The following KIF7 variants were observed in gnomAD, a reference collection of about 807,000 sequenced individuals.
KIF7 encodes kinesin family member 7, also known as kinesin-like protein KIF7.
A neutral mutation model predicts 135.7 loss-of-function variants in KIF7; 104 were observed. That is an observed-to-expected ratio of 0.77 (90% CI 0.65 to 0.90). KIF7 has a LOEUF of 0.90. KIF7 is among the 40% of genes least tolerant of loss of function. The pLI is 0.00. For missense variants in KIF7, 2,005 were observed against 1,839.1 expected, an observed-to-expected ratio of 1.09 and a Z score of -1.65; for synonymous variants, 883 against 809.4, an observed-to-expected ratio of 1.09 and a Z score of -1.54.
chr15:89,629,495 T>G lies in KIF7; in HGVS notation c.3397A>C (p.Arg1133=), dbSNP rs1385057274. Residue 1133 remains arginine (R), a synonymous_variant, in exon 17 of 19, where the codon AGG becomes CGG. Transcript: ENST00000394412. Reference sequence around the variant, plus strand: ...GCCACCTCCAGCCAGTACACCAGCCTCTGCTGCTCCTCCAGCTGCATCTCC... The same window carrying G: ...GCCACCTCCAGCCAGTACACCAGCCGCTGCTGCTCCTCCAGCTGCATCTCC... ...ELEMQLEEQQ[R]LVYWLEVALE... is the part of the protein sequence containing the mutation. 1 of 1,611,602 alleles carries G rather than the reference T, an allele frequency of 6.2e-7. No homozygotes were observed. Among genetic ancestry groups the G allele is most frequent in the South Asian group, 1.1e-5 (1 of 91,082 alleles).
exon 2 of KIF7, chr15:89,618,159 G>T: frequency 6.2e-7 from 1 of 1,614,170 alleles, no homozygotes; most frequent in Non-Finnish European, 8.5e-7. Flanking sequence ...GAGGTCCTCT[G>T]ATCCTGGTCC....
At chr15:89,632,195 C>T (rs1314470397) in intron 14 of KIF7, among the ~76,000 whole-genome samples, 4 of 152,200 alleles carry the variant, frequency 2.6e-5, no homozygotes, top group East Asian at 1.9e-4. Context: ...CTGGCCTCTG[C>T]GGGCCTAGGA....
chr15:89,652,708 C>A lies in KIF7; in HGVS notation c.223G>T (p.Val75Phe). ...AGQEAVYQAC[V>F]QPLLEAFFEG... is the part of the protein sequence containing the mutation. ...AAGAAGGCCTCAAGGAGGGGCTGAACGCAGGCCTGGTACACGGCCTCCTGC... is the reference window on the plus strand; with the variant it reads ...AAGAAGGCCTCAAGGAGGGGCTGAAAGCAGGCCTGGTACACGGCCTCCTGC... The change falls in exon 2 of 19, where the codon GTT becomes TTT. Residue 75 changes from valine (V) to phenylalanine (F), a missense_variant. Physicochemically the swap from Val to Phe is conservative, Grantham distance 50. Coordinates refer to ENST00000394412, the MANE Select transcript of KIF7 (RefSeq NM_198525.3). 6.4e-7 allele frequency: 1 copy of A among 1,551,808 alleles called. No homozygotes were observed. Among genetic ancestry groups the A allele is most frequent in the Non-Finnish European group, 8.7e-7 (1 of 1,146,998 alleles).
At position 89,646,833 on chromosome 15, in the gene KIF7, T is replaced by C; in HGVS notation, c.1785A>G (p.Gly595=). The C allele has an allele frequency of 1.2e-6, 2 of 1,613,438 alleles. No homozygotes were observed. Among genetic ancestry groups the C allele is most frequent in the Non-Finnish European group, 1.7e-6 (2 of 1,179,850 alleles). The part of the protein sequence containing the change: ...PGDEVGSEQR[G]EQVTNGREAG... Reference sequence around the variant, plus strand: ...CCCAGCCTCACCCTCTTCTCACCTCTCCCCTCTGCTCAGAGCCAACTTCAT... The same window carrying C: ...CCCAGCCTCACCCTCTTCTCACCTCCCCCCTCTGCTCAGAGCCAACTTCAT... The change falls in exon 7 of 19, where the codon GGA becomes GGG. Residue 595 remains glycine (G), a synonymous_variant. Coordinates refer to ENST00000394412, the MANE Select transcript of KIF7 (RefSeq NM_198525.3).
At chr15:89,629,193 G>GCA in intron 17 of KIF7, 71 bp from the exon 18 acceptor site, 1 of 266,888 alleles carries the variant, frequency 3.7e-6, no homozygotes, top group Non-Finnish European at 6.2e-6. Flanking sequence ...CTGTGGGGGT[G>GCA]GGGGCTGTGG....
Position 89,652,735 on chromosome 15 carries a change from C to T in KIF7, c.196G>A (p.Gly66Arg), listed in dbSNP as rs532675934. Reference sequence around the variant, plus strand: ...CAGGCCTGGTACACGGCCTCCTGCCCCGCATCCTCGGCCAGCACCACGTGG... The same window carrying T: ...CAGGCCTGGTACACGGCCTCCTGCCTCGCATCCTCGGCCAGCACCACGTGG... The part of the protein sequence containing the change: ...GFHVVLAEDA[G>R]QEAVYQACVQ... Residue 66 changes from glycine to arginine, a missense_variant, in exon 2 of 19, where the codon GGG (glycine) becomes AGG (arginine). By Grantham distance (125) the Gly-to-Arg change is moderately radical. Transcript: ENST00000394412. 15 of 1,551,736 alleles carry T rather than the reference C, an allele frequency of 9.7e-6. No individual in the cohort carries two copies. The highest frequency in any genetic ancestry group is 1.7e-4 in the Middle Eastern group (1 of 5,990).
intron 1 of KIF7, among the ~76,000 whole-genome samples, chr15:89,620,067 A>G (rs2090968038): frequency 6.6e-6 from 1 of 152,170 alleles, no homozygotes; most frequent in South Asian, 2.1e-4. Context: ...CATTATAGGT[A>G]GCTCATTCAT....
At chr15:89,624,042 C>G, downstream of KIF7, 1 of 1,614,076 alleles carries the variant, frequency 6.2e-7, no homozygotes, top group Non-Finnish European at 8.5e-7. Context: ...TCACTCCCAT[C>G]AGAGACCCTC....
upstream of KIF7, among the ~76,000 whole-genome samples, chr15:89,658,062 C>T (rs1964224591): frequency 6.6e-6 from 1 of 152,344 alleles, no homozygotes; most frequent in South Asian, 2.1e-4. Flanking sequence ...TCAGGCCGAA[C>T]CTGGTCCATT....
At position 89,646,153 on chromosome 15, in the gene KIF7, C is replaced by G. The variant is rs189000028; in HGVS notation, c.1789-127G>C. The G allele has an allele frequency of 4.3e-3, 5,124 of 1,183,110 alleles. 23 individuals carry two copies. Among genetic ancestry groups the G allele is most frequent in the Non-Finnish European group, 5.4e-3 (4,349 of 809,886 alleles). 73.3% of individuals were successfully genotyped at this position (1,183,110 alleles called of 1,614,324 possible). On this transcript the variant is annotated intron_variant, in intron 7 of 18. Coordinates refer to ENST00000394412, the MANE Select transcript of KIF7 (RefSeq NM_198525.3). ...CTTCGTGATCCAGCTCAAATGACCC[C>G]TCTGGCAGCCTTCTGAATCTCAAGC...
At position 89,648,237 on chromosome 15, in the gene KIF7, A is replaced by C. The variant is rs1322359403; in HGVS notation, c.1443+18T>G. The C allele has an allele frequency of 4.7e-6, 7 of 1,497,018 alleles. No individual in the cohort carries two copies. Among genetic ancestry groups the C allele is most frequent in the African/African-American group, 1.4e-5 (1 of 71,278 alleles). The allele number at this position is 1,497,018 out of a possible 1,614,324, so 92.7% of individuals were successfully genotyped here. ...CCCCACTGCCCACAACCACAACCAC[A>C]ACCTGTCCCTCGGCCACCTTTCGCC... On this transcript the variant is annotated intron_variant, in intron 5 of 18. Transcript: ENST00000394412.
At chr15:89,653,928 C>G (rs1002598183) in intron 1 of KIF7, among the ~76,000 whole-genome samples, 3 of 152,208 alleles carry the variant, frequency 2.0e-5, no homozygotes, top group Non-Finnish European at 2.9e-5. Context: ...AATTATTTCA[C>G]TCCCTGCCTA....
chr15:89,659,915 G>A (rs1319053275), upstream of KIF7, among the ~76,000 whole-genome samples: 3 of 152,242 alleles, frequency 2.0e-5, no homozygotes, highest in Non-Finnish European at 4.4e-5. Context: ...TACGGAAACA[G>A]GCCGGGCATG....
intron 11 of KIF7, among the ~76,000 whole-genome samples, chr15:89,635,459 A>C (rs943400571): frequency 3.9e-5 from 6 of 152,254 alleles, no homozygotes; most frequent in Non-Finnish European, 5.9e-5. Flanking sequence ...TAACTAGAAT[A>C]ACCAATACAG....
chr15:89,621,341 A>T, intron 1 of KIF7: 7 of 1,559,592 alleles, frequency 4.5e-6, no homozygotes, highest in Non-Finnish European at 2.6e-6. Context: ...ATAGTATTGG[A>T]AGAACAGGAA....
At chr15:89,626,141 T>C, downstream of KIF7, 1 of 1,552,572 alleles carries the variant, frequency 6.4e-7, no homozygotes, top group South Asian at 1.2e-5. Flanking sequence ...AGCTCGATTC[T>C]AGAGGAGCCC....
At position 89,641,911 on chromosome 15, in the gene KIF7, C is replaced by A. The variant is rs535643004; in HGVS notation, c.2394+292G>T. On this transcript the variant is annotated intron_variant, in intron 11 of 18. Coordinates refer to ENST00000394412, the MANE Select transcript of KIF7 (RefSeq NM_198525.3). ...AGCGAATGGAGAGCTGAAAGGGGGACCGGGAGACAGAGGACTGCACGCTGC... is the reference window on the plus strand; with the variant it reads ...AGCGAATGGAGAGCTGAAAGGGGGAACGGGAGACAGAGGACTGCACGCTGC... Among the ~76,000 whole-genome samples, 183 of 152,152 alleles carry A rather than the reference C, an allele frequency of 1.2e-3. 2 individuals are homozygous for A. The highest frequency in any genetic ancestry group is 4.4e-4 in the Non-Finnish European group (30 of 67,980).
Position 89,628,261 on chromosome 15 carries a change from T to A in KIF7, c.*158A>T. The stretch of plus-strand genomic sequence containing the variant: ...TTGTTAAATGAGGGTCCAGTTCTTT[T>A]GGGCCATGGCCCAAATTTGTTGATC... On this transcript the variant is annotated 3_prime_UTR_variant, in exon 19 of 19. Transcript: ENST00000394412. The A allele has an allele frequency of 1.2e-6, 1 of 848,954 alleles. No homozygotes were observed. Among genetic ancestry groups the A allele is most frequent in the Non-Finnish European group, 1.8e-6 (1 of 558,474 alleles). The allele number at this position is 848,954 out of a possible 1,614,324, so 52.6% of individuals were successfully genotyped here. A position where few individuals can be genotyped will look rare whatever the true frequency, so the allele number is the denominator to read the frequency against.
chr15:89,650,465 C>G (rs754959661), intron 2 of KIF7, among the ~76,000 whole-genome samples: 1 of 152,178 alleles, frequency 6.6e-6, no homozygotes, highest in Non-Finnish European at 1.5e-5. Flanking sequence ...GTGATCTCGG[C>G]TCATTGCAAC....
Sources: gnomAD v4.1 joint callset for allele counts (sites outside exome capture counted in the v4.1 genomes callset) on GRCh38, gnomAD v4.1.1 for gene constraint, MANE v1.5 for transcripts, NCBI Gene and HGNC (gene_info 2026-07-23, HGNC 2026-07-21) for gene names.